FREM3: variants seen among roughly 807,000 people sequenced by gnomAD.
FREM3 encodes the protein FRAS1-related extracellular matrix protein 3.
FREM3 carries 105 observed loss-of-function variants against 129.1 expected under a neutral mutation model. That is an observed-to-expected ratio of 0.81 (90% CI 0.69 to 0.96). The LOEUF (loss-of-function observed/expected upper bound fraction) is 0.96, where lower values mean the gene tolerates loss of function less well. FREM3 is among the 40% of genes least tolerant of loss of function. FREM3 has a pLI of 0.00. For missense variants in FREM3, 2,593 were observed against 2,666.3 expected (o/e 0.97, Z 0.61); for synonymous variants, 1,014 against 1,044.9 (o/e 0.97, Z 0.57).
chr4:143,675,827 A>C (rs991649515), intron 2 of FREM3, among the ~76,000 whole-genome samples: 10 of 152,168 alleles, frequency 6.6e-5, no homozygotes, highest in South Asian at 2.1e-4. Flanking sequence ...TACACCCTCC[A>C]AAGACTAAAC....
At chr4:143,695,394 T>C (rs950357472) in intron 1 of FREM3, 97 bp downstream of exon 1, 2 of 1,046,080 alleles carry the variant, frequency 1.9e-6, no homozygotes, top group Non-Finnish European at 2.7e-6. Flanking sequence ...AGAATCTTAC[T>C]GCAAATGGCT....
chr4:143,579,785 G>A (rs534293922), intron 7 of FREM3, among the ~76,000 whole-genome samples: 1 of 152,264 alleles, frequency 6.6e-6, no homozygotes, highest in Non-Finnish European at 1.5e-5. Context: ...GATTAATATA[G>A]TTAACTAACC....
intron 6 of FREM3, among the ~76,000 whole-genome samples, chr4:143,592,961 C>T (rs1738393819): frequency 2.0e-5 from 3 of 152,170 alleles, no homozygotes; most frequent in Admixed American, 2.0e-4. Flanking sequence ...TTTCTCTAAA[C>T]TTCTCTTTAT....
intron 2 of FREM3, among the ~76,000 whole-genome samples, chr4:143,671,205 C>T (rs956054996): frequency 1.3e-5 from 2 of 152,064 alleles, no homozygotes; most frequent in Non-Finnish European, 2.9e-5. Flanking sequence ...GATTTGATCA[C>T]CTATTATATG....
intron 6 of FREM3, among the ~76,000 whole-genome samples, chr4:143,591,852 C>A (rs887567117): frequency 1.1e-4 from 16 of 152,098 alleles, no homozygotes; most frequent in African/African-American, 3.6e-4. Context: ...TTAAAGTCTC[C>A]CATTATTATT....
Position 143,672,995 on chromosome 4 carries a change from T to A in FREM3, c.5275+20118A>T, listed in dbSNP as rs140128701. On this transcript the variant is annotated intron_variant, in intron 2 of 7. Coordinates refer to ENST00000329798, the MANE Select transcript of FREM3 (RefSeq NM_001168235.2). Reference sequence around the variant, plus strand: ...GGTTATTCTAGTTAGCCATTTGTCTTATCTTTTTTCAAGGTTTTTAACTTC... The same window carrying A: ...GGTTATTCTAGTTAGCCATTTGTCTAATCTTTTTTCAAGGTTTTTAACTTC... 1.8e-3 allele frequency among the ~76,000 whole-genome samples: 269 copies of A among 152,296 alleles called. 1 individual carries two copies. Among genetic ancestry groups the A allele is most frequent in the African/African-American group, 5.8e-3 (242 of 41,552 alleles).
chr4:143,689,419 C>T (rs1217579751), intron 2 of FREM3, among the ~76,000 whole-genome samples: 1 of 152,036 alleles, frequency 6.6e-6, no homozygotes, highest in African/African-American at 2.4e-5. Flanking sequence ...AATCAGGGAT[C>T]ACTTCTACAC....
At position 143,596,454 on chromosome 4, in the gene FREM3, C is replaced by T. The variant is rs182225638; in HGVS notation, c.6029-10461G>A. The stretch of plus-strand genomic sequence containing the variant: ...AATGTAGCACTTCTGGGATGCCCTG[C>T]AAGTTTCTAGTGTTTGTGGGTGGGA... On this transcript the variant is annotated intron_variant, in intron 6 of 7. Transcript: ENST00000329798. 4.6e-5 allele frequency among the ~76,000 whole-genome samples: 7 copies of T among 152,202 alleles called. No homozygotes were observed. The East Asian group carries it at 1.4e-3, about 29-fold the overall frequency.
Position 143,697,200 on chromosome 4 carries a change from A to T in FREM3, c.3476T>A (p.Val1159Glu), listed in dbSNP as rs1276707410. 4 of 1,537,696 alleles carry T rather than the reference A, an allele frequency of 2.6e-6. No homozygotes were observed. The highest frequency in any genetic ancestry group is 2.0e-5 in the Admixed American group (1 of 50,990). Residue 1159 changes from valine to glutamate, a missense_variant, in exon 1 of 8, where the codon GTA (valine) becomes GAA (glutamate). Val to Glu is a moderately radical substitution (Grantham distance 121). Around this residue, in one of 2 missense-constraint regions of FREM3, gnomAD observed 2,276 missense variants for 2,267.2 expected, o/e 1.00. Coordinates refer to ENST00000329798, the MANE Select transcript of FREM3 (RefSeq NM_001168235.2). ...GGTGAATTGGTCCTCTTGTGGCTCT[A>T]CTCCCTTGTGAATACTCTGTACATA... The part of the protein sequence containing the change: ...INYVQSIHKG[V>E]EPQEDQFTFY...
intron 5 of FREM3, among the ~76,000 whole-genome samples, chr4:143,614,071 G>C (rs531832661): frequency 3.9e-5 from 6 of 152,106 alleles, no homozygotes; most frequent in Non-Finnish European, 8.8e-5. Context: ...ATGAAAGACT[G>C]AAATATAATA....
rs7654410 is a variant in FREM3 at position 143,696,163 on chromosome 4, C to T, written c.4513G>A (p.Glu1505Lys). 4.0e-3 allele frequency: 6,183 copies of T among 1,537,636 alleles called. 258 individuals are homozygous for T. In the African/African-American group the frequency reaches 0.075, roughly 19 times the overall value. ...KISYVHTSND[E>K]KKMDSFEFQV... ...AATTCGAAGCTGTCCATCTTTTTCT[C>T]ATCATTTGAAGTATGGACATAGGAT... Residue 1505 changes from glutamate (E) to lysine (K), a missense_variant, in exon 1 of 8, where the codon GAG becomes AAG. By Grantham distance (56) the Glu-to-Lys change is moderately conservative. Transcript: ENST00000329798.
At chr4:143,586,776 C>A (rs552023474) in intron 6 of FREM3, among the ~76,000 whole-genome samples, 5 of 152,272 alleles carry the variant, frequency 3.3e-5, no homozygotes, top group African/African-American at 9.6e-5. Context: ...AAAGCATATA[C>A]AAGGCTTAGC....
intron 6 of FREM3, 88 bp downstream of exon 6, chr4:143,611,191 A>T: frequency 7.3e-7 from 1 of 1,360,648 alleles, no homozygotes; most frequent in Non-Finnish European, 9.8e-7. Flanking sequence ...TTAAAAGATA[A>T]TTTAAGCTAC....
chr4:143,692,062 G>T (rs115790312), intron 2 of FREM3, among the ~76,000 whole-genome samples: 52 of 152,248 alleles, frequency 3.4e-4, no homozygotes, highest in African/African-American at 1.3e-3. Context: ...AGGGGAGAAA[G>T]TACCTAGTTA....
chr4:143,624,364 A>C (rs751421407), intron 3 of FREM3, 26 bp from the exon 4 acceptor site: 4 of 1,399,492 alleles, frequency 2.9e-6, no homozygotes, highest in South Asian at 1.2e-5. Flanking sequence ...AAAACTATAA[A>C]TATAAAGCCA....
intron 6 of FREM3, among the ~76,000 whole-genome samples, chr4:143,596,274 G>A (rs1738483032): frequency 6.6e-6 from 1 of 152,224 alleles, no homozygotes; most frequent in African/African-American, 2.4e-5. Context: ...TGTGGGCCAT[G>A]AATTTAGGAG....
chr4:143,689,366 AT>A (rs1478340708), intron 2 of FREM3, among the ~76,000 whole-genome samples: 2 of 152,032 alleles, frequency 1.3e-5, no homozygotes, highest in African/African-American at 4.8e-5. Context: ...AATCAAAAAA[AT>A]AATTAAAAAA....
chr4:143,686,479 A>C (rs1429345588), intron 2 of FREM3, among the ~76,000 whole-genome samples: 4 of 152,226 alleles, frequency 2.6e-5, no homozygotes, highest in African/African-American at 4.8e-5. Context: ...AAATGGACTT[A>C]ACAGATATAT....
At chr4:143,646,837 T>G (rs917425660) in intron 2 of FREM3, among the ~76,000 whole-genome samples, 1 of 152,168 alleles carries the variant, frequency 6.6e-6, no homozygotes, top group Non-Finnish European at 1.5e-5. Context: ...ACTTTGGAAC[T>G]GGACAACTGG....
Sources: gnomAD v4.1 joint callset for allele counts (sites outside exome capture counted in the v4.1 genomes callset) on GRCh38, gnomAD v4.1.1 for gene constraint, gnomAD v4.1.1 regional missense constraint, MANE v1.5 for transcripts, NCBI Gene and HGNC (gene_info 2026-07-23, HGNC 2026-07-21) for gene names.